DCLK1: variants seen among roughly 807,000 people sequenced by gnomAD.
DCLK1 encodes doublecortin like kinase 1.
A neutral mutation model predicts 86.2 loss-of-function variants in DCLK1; 16 were observed. That is an observed-to-expected ratio of 0.19 (90% CI 0.13 to 0.28). DCLK1 has a LOEUF of 0.28. Ranked by LOEUF, DCLK1 falls within the 10% of genes least tolerant of loss-of-function variation. DCLK1 has a pLI of 1.00. For synonymous variants in DCLK1, 369 were observed against 370.5 expected, an observed-to-expected ratio of 1.00 and a Z score of 0.05; for missense variants, 590 against 940.2, an observed-to-expected ratio of 0.63 and a Z score of 4.87.
intron 2 of DCLK1, among the ~76,000 whole-genome samples, chr13:36,112,714 G>T (rs1885659100): frequency 6.6e-6 from 1 of 152,282 alleles, no homozygotes; most frequent in Non-Finnish European, 1.5e-5. Context: ...GCCCAGTAAA[G>T]TTCCAAAAGC....
chr13:35,999,450 G>T (rs1477217055), intron 3 of DCLK1, among the ~76,000 whole-genome samples: 1 of 152,006 alleles, frequency 6.6e-6, no homozygotes, highest in Non-Finnish European at 1.5e-5. Flanking sequence ...CAATGGTATG[G>T]GTGGCCTCAC....
chr13:36,049,573 G>C (rs972938332), intron 3 of DCLK1, among the ~76,000 whole-genome samples: 1 of 151,974 alleles, frequency 6.6e-6, no homozygotes, highest in African/African-American at 2.4e-5. Flanking sequence ...TTTAAAATTA[G>C]ATAAAAATTC....
At chr13:35,916,158 C>A (rs1875395467) in intron 4 of DCLK1, among the ~76,000 whole-genome samples, 1 of 152,102 alleles carries the variant, frequency 6.6e-6, no homozygotes, top group Admixed American at 6.6e-5. Context: ...GGGAGCAAAA[C>A]CCTAAGAATC....
chr13:35,958,237 T>C (rs1281733799), intron 3 of DCLK1, among the ~76,000 whole-genome samples: 20 of 29,282 alleles, frequency 6.8e-4, no homozygotes, highest in African/African-American at 2.2e-3. Flanking sequence ...ATAACCACCA[T>C]CATCACCACC....
intron 4 of DCLK1, among the ~76,000 whole-genome samples, chr13:35,943,114 T>C (rs1877176207): frequency 6.6e-6 from 1 of 152,166 alleles, no homozygotes; most frequent in Admixed American, 6.6e-5. Context: ...GATGAGGTCA[T>C]ACTGAATGTG....
intron 3 of DCLK1, among the ~76,000 whole-genome samples, chr13:35,975,205 G>A (rs781471380): frequency 2.6e-5 from 4 of 152,232 alleles, no homozygotes; most frequent in Non-Finnish European, 2.9e-5. Flanking sequence ...GCAGCCTGTG[G>A]TGTGGGCGAG....
At chr13:35,858,211 T>C (rs899118872) in intron 5 of DCLK1, among the ~76,000 whole-genome samples, 2 of 151,846 alleles carry the variant, frequency 1.3e-5, no homozygotes, top group Non-Finnish European at 2.9e-5. Context: ...TGATCTAGGG[T>C]AGTGTCATGG....
At chr13:35,932,515 C>T (rs1876511867) in intron 4 of DCLK1, among the ~76,000 whole-genome samples, 1 of 152,192 alleles carries the variant, frequency 6.6e-6, no homozygotes, top group Non-Finnish European at 1.5e-5. Flanking sequence ...TTGGACTTTA[C>T]AGTTCCACAT....
At chr13:35,874,376 G>C (rs968033188) in intron 4 of DCLK1, among the ~76,000 whole-genome samples, 2 of 152,180 alleles carry the variant, frequency 1.3e-5, no homozygotes, top group African/African-American at 4.8e-5. Context: ...ATGGAGGAGA[G>C]TGTGTCCTAG....
intron 10 of DCLK1, among the ~76,000 whole-genome samples, chr13:35,823,517 G>A (rs933454331): frequency 4.6e-5 from 7 of 152,140 alleles, no homozygotes; most frequent in Non-Finnish European, 1.0e-4. Context: ...GAAGGAGGGA[G>A]GAAGGGGGGG....
intron 11 of DCLK1, among the ~76,000 whole-genome samples, chr13:35,822,487 G>A (rs12586028): frequency 6.6e-6 from 1 of 151,942 alleles, no homozygotes; most frequent in South Asian, 2.1e-4. Context: ...CCTACCCTTC[G>A]CGAGTTCAAT....
Position 35,771,369 on chromosome 13 carries a change from T to C in DCLK1, c.*3166A>G, listed in dbSNP as rs2086330089. The C allele has an allele frequency of 6.6e-6, 1 of 152,190 alleles. No homozygotes were observed. Among genetic ancestry groups the C allele is most frequent in the South Asian group, 2.1e-4 (1 of 4,828 alleles). The allele number at this position is 152,190 out of a possible 1,614,324, so 9.4% of individuals were successfully genotyped here. A position where few individuals can be genotyped will look rare whatever the true frequency, so the allele number is the denominator to read the frequency against. On this transcript the variant is annotated 3_prime_UTR_variant, in exon 17 of 17. Coordinates refer to ENST00000360631, the MANE Select transcript of DCLK1 (RefSeq NM_001330071.2). The stretch of plus-strand genomic sequence containing the variant: ...TTCAGTAGTTTATTCACATTTTTTT[T>C]TCTCTGCTTATTTTAATATGCACCA...
intron 4 of DCLK1, among the ~76,000 whole-genome samples, chr13:35,929,216 T>C (rs1325536604): frequency 2.0e-5 from 3 of 152,194 alleles, no homozygotes; most frequent in Non-Finnish European, 4.4e-5. Context: ...TTAAAAAGCT[T>C]ATACTAATCT....
In DCLK1 at chr13:36,126,302, T is replaced by A. The variant is rs907635435; in HGVS notation, c.-19-146A>T. 2.1e-5 allele frequency: 12 copies of A among 581,732 alleles called. No individual in the cohort carries two copies. In the African/African-American group the frequency reaches 2.1e-4, roughly 10 times the overall value. The allele number at this position is 581,732 out of a possible 1,614,324, so 36.0% of individuals were successfully genotyped here. A position where few individuals can be genotyped will look rare whatever the true frequency, so the allele number is the denominator to read the frequency against. The stretch of plus-strand genomic sequence containing the variant: ...AGTGAGATGGCACTCACTGAAGTAC[T>A]CACTGAAGCCTCACACTCCTGGGCT... On this transcript the variant is annotated intron_variant, in intron 1 of 16. Transcript: ENST00000360631.
intron 3 of DCLK1, among the ~76,000 whole-genome samples, chr13:36,097,807 G>A (rs73165305): frequency 0.16 from 23,585 of 151,688 alleles, 2,119 homozygotes; most frequent in Non-Finnish European, 0.21. Context: ...AACTCCAGCA[G>A]GCACACCAAT....
At chr13:36,050,651 T>C (rs1041266476) in intron 3 of DCLK1, among the ~76,000 whole-genome samples, 11 of 152,212 alleles carry the variant, frequency 7.2e-5, no homozygotes, top group African/African-American at 2.7e-4. Flanking sequence ...TTTCCCTTTA[T>C]ACCAAAGGAT....
intron 4 of DCLK1, among the ~76,000 whole-genome samples, chr13:35,879,923 C>T (rs773699932): frequency 5.9e-5 from 9 of 152,166 alleles, no homozygotes; most frequent in Non-Finnish European, 1.0e-4. Context: ...AACGTCCCCA[C>T]ACATTCCCAA....
intron 11 of DCLK1, among the ~76,000 whole-genome samples, chr13:35,821,327 G>T (rs2087390111): frequency 6.6e-6 from 1 of 152,154 alleles, no homozygotes; most frequent in Non-Finnish European, 1.5e-5. Flanking sequence ...TGGGAGTTGG[G>T]TGGCTCATCT....
intron 3 of DCLK1, among the ~76,000 whole-genome samples, chr13:35,948,685 A>C (rs768717715): frequency 6.6e-6 from 1 of 152,206 alleles, no homozygotes; most frequent in Non-Finnish European, 1.5e-5. Context: ...ACTTGGCCGA[A>C]GTTTTTAAAA....
Sources: gnomAD v4.1 joint callset for allele counts (sites outside exome capture counted in the v4.1 genomes callset) on GRCh38, gnomAD v4.1.1 for gene constraint, MANE v1.5 for transcripts, NCBI Gene and HGNC (gene_info 2026-07-23, HGNC 2026-07-21) for gene names.